Variants in RIN3 observed in about 807,000 individuals in gnomAD.
RIN3 encodes the protein RAB5 interacting protein 3.
In RIN3, 54 loss-of-function variants were observed where a neutral mutation model predicts 76.3. That is an observed-to-expected ratio of 0.71 (90% CI 0.57 to 0.89). The LOEUF (loss-of-function observed/expected upper bound fraction) is 0.89. Among genes scored for constraint, RIN3 ranks in the 40% least tolerant of loss-of-function variants. RIN3 has a pLI of 0.00. For synonymous variants in RIN3, 576 were observed against 564.0 expected (o/e 1.02, Z -0.30); for missense variants, 1,256 against 1,322.1 (o/e 0.95, Z 0.78).
chr14:92,637,106 C>G (rs535392407), intron 4 of RIN3, among the ~76,000 whole-genome samples: 2 of 152,066 alleles, frequency 1.3e-5, no homozygotes, highest in South Asian at 4.2e-4. Flanking sequence ...ATGATTCAAG[C>G]GCATTACGTT....
At chr14:92,599,586 G>T (rs1466502658) in intron 3 of RIN3, among the ~76,000 whole-genome samples, 1 of 152,134 alleles carries the variant, frequency 6.6e-6, no homozygotes, top group Non-Finnish European at 1.5e-5. Context: ...ACCCCCTGGT[G>T]CCTGTGATGG....
intron 5 of RIN3, among the ~76,000 whole-genome samples, chr14:92,645,879 G>A (rs948251388): frequency 1.3e-4 from 20 of 151,952 alleles, no homozygotes; most frequent in Middle Eastern, 3.2e-3. Flanking sequence ...TTGAACTCGG[G>A]AAGTGGAGAT....
chr14:92,569,902 C>A (rs899187231), intron 2 of RIN3, among the ~76,000 whole-genome samples: 2 of 152,202 alleles, frequency 1.3e-5, no homozygotes, highest in Non-Finnish European at 2.9e-5. Context: ...TCTACCCTTA[C>A]TATAGGCAAG....
chr14:92,524,655 C>G (rs1363605045), intron 1 of RIN3, among the ~76,000 whole-genome samples: 1 of 152,220 alleles, frequency 6.6e-6, no homozygotes, highest in African/African-American at 2.4e-5. Flanking sequence ...TTCCACTGGG[C>G]AAGGCTTCCC....
At chr14:92,647,276 G>A (rs990238735) in intron 5 of RIN3, among the ~76,000 whole-genome samples, 2 of 152,178 alleles carry the variant, frequency 1.3e-5, no homozygotes, top group Admixed American at 6.5e-5. Flanking sequence ...GCCAGCGTTC[G>A]AAAGTGCAGG....
chr14:92,682,167 G>A (rs1387283694), intron 8 of RIN3, among the ~76,000 whole-genome samples: 3 of 152,162 alleles, frequency 2.0e-5, no homozygotes, highest in Non-Finnish European at 4.4e-5. Context: ...GATTACAGGC[G>A]TGAGCCACCA....
intron 1 of RIN3, among the ~76,000 whole-genome samples, chr14:92,527,485 A>ATAGGGCG (rs1896770025): frequency 6.6e-6 from 1 of 152,160 alleles, no homozygotes; most frequent in Non-Finnish European, 1.5e-5. Flanking sequence ...GCGCTATAGG[A>ATAGGGCG]CTACATCTTT....
At chr14:92,680,662 TG>T (rs1888631877) in intron 8 of RIN3, among the ~76,000 whole-genome samples, 1 of 152,146 alleles carries the variant, frequency 6.6e-6, no homozygotes, top group Admixed American at 6.5e-5. Flanking sequence ...CCTTAGCACA[TG>T]GGGCAGGATG....
chr14:92,553,919 C>T (rs1897506253), intron 1 of RIN3, among the ~76,000 whole-genome samples: 1 of 152,170 alleles, frequency 6.6e-6, no homozygotes, highest in Non-Finnish European at 1.5e-5. Context: ...GGGGTGGTTC[C>T]ACTTTCCTGT....
intron 4 of RIN3, among the ~76,000 whole-genome samples, chr14:92,618,185 G>A (rs962943869): frequency 7.9e-5 from 12 of 152,220 alleles, no homozygotes; most frequent in South Asian, 4.1e-4. Context: ...ACTCCTGCAC[G>A]AATAAAAGTA....
chr14:92,552,320 G>T (rs1897449861), intron 1 of RIN3, among the ~76,000 whole-genome samples: 1 of 152,186 alleles, frequency 6.6e-6, no homozygotes, highest in Non-Finnish European at 1.5e-5. Context: ...GGGCTGGGAA[G>T]CAGGTTTATC....
At position 92,543,128 on chromosome 14, in the gene RIN3, C is replaced by T. The variant is rs560830561; in HGVS notation, c.45-12623C>T. Among the ~76,000 whole-genome samples, 136 of 152,298 alleles carry T rather than the reference C, an allele frequency of 8.9e-4. 1 individual carries two copies. The highest frequency in any genetic ancestry group is 2.9e-3 in the African/African-American group (119 of 41,552). ...AAATTCTTGGAGACACCCAGCTCAG[C>T]GTCAACCGCAGTTGACAAACCTTCC... is the stretch of plus-strand genomic sequence containing the variant. On this transcript the variant is annotated intron_variant, in intron 1 of 9. Transcript: ENST00000216487.
In RIN3 at chr14:92,672,130, G is replaced by T. The variant is rs568075285; in HGVS notation, c.2336-4345G>T. Among the ~76,000 whole-genome samples, 12 of 152,262 alleles carry T rather than the reference G, an allele frequency of 7.9e-5. No individual in the cohort carries two copies. The East Asian group carries it at 2.1e-3, about 27-fold the overall frequency. On this transcript the variant is annotated intron_variant, in intron 7 of 9. Transcript: ENST00000216487. The stretch of plus-strand genomic sequence containing the variant: ...TTGAAAATAGAGACTGGGGCCGGGC[G>T]TGCGGCGGCTTACGCTTGTAAATCC...
chr14:92,540,392 G>C (rs1352621024), intron 1 of RIN3, among the ~76,000 whole-genome samples: 3 of 152,158 alleles, frequency 2.0e-5, no homozygotes, highest in Non-Finnish European at 4.4e-5. Context: ...GAAACCCAGG[G>C]AACTTTCTCA....
intron 7 of RIN3, among the ~76,000 whole-genome samples, chr14:92,664,579 C>T (rs1002337069): frequency 6.6e-6 from 1 of 151,758 alleles, no homozygotes; most frequent in Admixed American, 6.6e-5. Flanking sequence ...ACCGTGTTGC[C>T]CAGGATGGTC....
chr14:92,523,323 G>A (rs1334279029), intron 1 of RIN3, among the ~76,000 whole-genome samples: 1 of 152,142 alleles, frequency 6.6e-6, no homozygotes, highest in Non-Finnish European at 1.5e-5. Flanking sequence ...TGTTGGCCAG[G>A]CTGGTCTTGA....
intron 3 of RIN3, among the ~76,000 whole-genome samples, chr14:92,609,700 G>A (rs1159699345): frequency 6.6e-6 from 1 of 152,160 alleles, no homozygotes; most frequent in Non-Finnish European, 1.5e-5. Context: ...GTTTTGATCT[G>A]CTACTGAAAG....
intron 8 of RIN3, 90 bp from the exon 9 acceptor site, chr14:92,684,897 C>A: frequency 1.4e-6 from 2 of 1,381,072 alleles, no homozygotes; most frequent in Non-Finnish European, 2.0e-6. Context: ...GTGGGCGGGG[C>A]TTGGAGGAGG....
At chr14:92,649,709 G>A (rs993708215) in intron 5 of RIN3, among the ~76,000 whole-genome samples, 2 of 152,208 alleles carry the variant, frequency 1.3e-5, no homozygotes, top group Non-Finnish European at 2.9e-5. Context: ...GGGAGAGGCC[G>A]CTCTGGATAC....
Sources: gnomAD v4.1 joint callset for allele counts (sites outside exome capture counted in the v4.1 genomes callset) on GRCh38, gnomAD v4.1.1 for gene constraint, MANE v1.5 for transcripts, NCBI Gene and HGNC (gene_info 2026-07-23, HGNC 2026-07-21) for gene names.